Variants in RFPL1 observed in about 807,000 individuals in gnomAD.
The protein encoded by RFPL1 is ret finger protein like 1.
Under a neutral mutation model 9.6 loss-of-function variants are expected in RFPL1, and 6 were observed. That is an observed-to-expected ratio of 0.62 (90% CI 0.34 to 1.23). The LOEUF (loss-of-function observed/expected upper bound fraction) is 1.23, where lower values mean the gene tolerates loss of function less well. Ranked by LOEUF, RFPL1 falls within the 50% of genes most tolerant of loss-of-function variation. The probability of loss-of-function intolerance (pLI) is 0.03; values close to 1 mark genes in which losing one functional copy is unlikely to be tolerated. For missense variants in RFPL1, 352 were observed against 398.4 expected (o/e 0.88, Z 0.99); for synonymous variants, 145 against 149.4 (o/e 0.97, Z 0.22).
At chr22:29,413,328 C>T in the RFPL1 span, among the ~76,000 whole-genome samples, 3 of 152,006 alleles carry the variant, frequency 2.0e-5, no homozygotes, top group Admixed American at 6.6e-5. Context: ...GATCTTCAGG[C>T]TGGTGCTGGT....
chr22:29,411,255 A>G, the RFPL1 span, among the ~76,000 whole-genome samples: 1 of 152,200 alleles, frequency 6.6e-6, no homozygotes, highest in East Asian at 1.9e-4. Flanking sequence ...TGGAGACAAT[A>G]TTGATATTAT....
chr22:29,411,597 TC>T, the RFPL1 span, among the ~76,000 whole-genome samples: 1 of 152,138 alleles, frequency 6.6e-6, no homozygotes, highest in Non-Finnish European at 1.5e-5. Flanking sequence ...ACCTTAAAAT[TC>T]AGACTTGTGT....
chr22:29,429,546 A>G, the RFPL1 span, among the ~76,000 whole-genome samples: 1 of 152,206 alleles, frequency 6.6e-6, no homozygotes, highest in African/African-American at 2.4e-5. Context: ...TTTAATACTG[A>G]CAAATTGGGA....
the RFPL1 span, among the ~76,000 whole-genome samples, chr22:29,420,645 T>G: frequency 5.8e-4 from 78 of 134,660 alleles, 2 homozygotes; most frequent in African/African-American, 2.0e-3. Flanking sequence ...TTTTTTTTTT[T>G]TTTTTTTTTT....
chr22:29,417,319 C>T, the RFPL1 span, among the ~76,000 whole-genome samples: 8 of 151,996 alleles, frequency 5.3e-5, no homozygotes, highest in Non-Finnish European at 8.8e-5. Context: ...GAAGGAGGCC[C>T]AGTTGTCCAG....
At chr22:29,419,734 C>T in the RFPL1 span, among the ~76,000 whole-genome samples, 3 of 147,972 alleles carry the variant, frequency 2.0e-5, no homozygotes, top group South Asian at 2.1e-4. Flanking sequence ...GGCCAGAGGT[C>T]GAGGCTGCCA....
At chr22:29,411,505 C>T in the RFPL1 span, among the ~76,000 whole-genome samples, 2 of 85,928 alleles carry the variant, frequency 2.3e-5, no homozygotes, top group East Asian at 1.3e-3. Context: ...AGGATTCATG[C>T]ATTTTATCTT....
At chr22:29,395,320 G>T in the RFPL1 span, among the ~76,000 whole-genome samples, 1 of 151,974 alleles carries the variant, frequency 6.6e-6, no homozygotes, top group Non-Finnish European at 1.5e-5. Flanking sequence ...TTTTCATCCT[G>T]CAAATCTCTA....
upstream of RFPL1, among the ~76,000 whole-genome samples, chr22:29,435,484 C>T (rs1047233615): frequency 6.6e-6 from 1 of 152,218 alleles, no homozygotes; most frequent in Admixed American, 6.5e-5. Flanking sequence ...GGGCTGGACT[C>T]TGTCTTTACA....
At chr22:29,436,234 A>G (rs1412041013), upstream of RFPL1, among the ~76,000 whole-genome samples, 3 of 152,100 alleles carry the variant, frequency 2.0e-5, no homozygotes. Context: ...TGGGGTAAAT[A>G]TGGTCACTTG....
the RFPL1 span, chr22:29,388,664 A>G: frequency 6.6e-6 from 1 of 152,276 alleles, no homozygotes; most frequent in East Asian, 1.9e-4. Context: ...GCGGGGCAAG[A>G]AAAGGGGAAG....
chr22:29,420,949 C>T, the RFPL1 span, among the ~76,000 whole-genome samples: 1 of 152,006 alleles, frequency 6.6e-6, no homozygotes, highest in Non-Finnish European at 1.5e-5. Context: ...CCCCCCTGAG[C>T]CCTTCTCTAA....
the RFPL1 span, among the ~76,000 whole-genome samples, chr22:29,404,550 T>C: frequency 6.6e-6 from 1 of 152,348 alleles, no homozygotes; most frequent in East Asian, 1.9e-4. Flanking sequence ...AGATCAAGAA[T>C]GTAAATTCTA....
chr22:29,405,678 C>A, the RFPL1 span, among the ~76,000 whole-genome samples: 3 of 152,174 alleles, frequency 2.0e-5, no homozygotes, highest in Non-Finnish European at 2.9e-5. Context: ...TACATTCTTG[C>A]CCCACATCTT....
chr22:29,437,302 G>A (rs556499640), upstream of RFPL1: 11 of 238,028 alleles, frequency 4.6e-5, no homozygotes, highest in Non-Finnish European at 8.1e-5. Context: ...AAACCATTTT[G>A]TAAAATTGCA....
chr22:29,410,920 G>C, the RFPL1 span, among the ~76,000 whole-genome samples: 18 of 152,076 alleles, frequency 1.2e-4, no homozygotes, highest in East Asian at 3.1e-3. Context: ...GCAGTTTGTG[G>C]CTGCAGCCAG....
At chr22:29,416,985 C>T in the RFPL1 span, among the ~76,000 whole-genome samples, 1 of 152,154 alleles carries the variant, frequency 6.6e-6, no homozygotes, top group Non-Finnish European at 1.5e-5. Flanking sequence ...ATCATCATAT[C>T]CCCTCTCAAT....
chr22:29,404,057 C>T, the RFPL1 span, among the ~76,000 whole-genome samples: 8 of 151,422 alleles, frequency 5.3e-5, no homozygotes, highest in African/African-American at 1.5e-4. Context: ...GTACTTCCAC[C>T]TAAAGGAGAA....
chr22:29,407,040 A>G, the RFPL1 span, among the ~76,000 whole-genome samples: 2 of 151,932 alleles, frequency 1.3e-5, no homozygotes, highest in East Asian at 3.9e-4. Context: ...TGATACAACT[A>G]CACAAGTAAA....
Sources: gnomAD v4.1 joint callset for allele counts (sites outside exome capture counted in the v4.1 genomes callset) on GRCh38, gnomAD v4.1.1 for gene constraint, MANE v1.5 for transcripts, NCBI Gene and HGNC (gene_info 2026-07-23, HGNC 2026-07-21) for gene names.